Variants in PTPRN2 observed in about 807,000 individuals in gnomAD.
The protein encoded by PTPRN2 is receptor-type tyrosine-protein phosphatase N2.
In PTPRN2, 74 loss-of-function variants were observed where a neutral mutation model predicts 118.8. The ratio of observed to expected loss-of-function variants is 0.62; its 90% CI spans 0.52 to 0.76. The LOEUF (loss-of-function observed/expected upper bound fraction) is 0.76, where lower values mean the gene tolerates loss of function less well. Ranked by LOEUF, PTPRN2 falls within the 30% of genes least tolerant of loss-of-function variation. The pLI, the probability that PTPRN2 is intolerant of heterozygous loss-of-function variation, is 0.00. For missense variants in PTPRN2, 1,481 were observed against 1,394.4 expected (o/e 1.06, Z -0.99); for synonymous variants, 641 against 608.0 (o/e 1.05, Z -0.80).
At chr7:158,046,449 C>T (rs972479860) in intron 11 of PTPRN2, among the ~76,000 whole-genome samples, 2 of 150,348 alleles carry the variant, frequency 1.3e-5, no homozygotes, top group Admixed American at 6.6e-5. Flanking sequence ...CCTGACGCTG[C>T]GATCCTGGCA....
chr7:158,585,062 G>A (rs915283525), intron 1 of PTPRN2, among the ~76,000 whole-genome samples: 5 of 152,166 alleles, frequency 3.3e-5, no homozygotes, highest in Non-Finnish European at 7.3e-5. Context: ...ATTTAAGGCC[G>A]CTCTGTGCAT....
chr7:157,910,891 T>C (rs1317967772), intron 11 of PTPRN2, among the ~76,000 whole-genome samples: 2 of 152,250 alleles, frequency 1.3e-5, no homozygotes, highest in Non-Finnish European at 2.9e-5. Context: ...GTTTGGATGT[T>C]TAATTTTGCT....
At chr7:157,710,745 G>A (rs1010082079) in intron 12 of PTPRN2, among the ~76,000 whole-genome samples, 28 of 147,084 alleles carry the variant, frequency 1.9e-4, no homozygotes, top group Non-Finnish European at 9.1e-5. Flanking sequence ...CCTTGCGCCT[G>A]GCCCTCAGCC....
chr7:158,160,912 A>G (rs2335849), intron 6 of PTPRN2, among the ~76,000 whole-genome samples: 150,571 of 152,382 alleles, frequency 0.99, 74,396 homozygotes, highest in Middle Eastern at 1. Context: ...GATTTTATAT[A>G]TTTTGCAAAT....
chr7:157,854,038 C>G (rs922879548), intron 12 of PTPRN2, among the ~76,000 whole-genome samples: 3 of 152,216 alleles, frequency 2.0e-5, no homozygotes, highest in African/African-American at 7.2e-5. Flanking sequence ...CAGCCCTGCC[C>G]ACACATTGAC....
At chr7:157,883,144 C>A (rs1584945748) in intron 12 of PTPRN2, among the ~76,000 whole-genome samples, 1 of 150,740 alleles carries the variant, frequency 6.6e-6, no homozygotes, top group East Asian at 2.0e-4. Context: ...TGTCAGGGAT[C>A]AGAACACACC....
rs574287660 is a variant in PTPRN2, at chr7:158,513,850, A to G, written c.113-24065T>C. Among the ~76,000 whole-genome samples the G allele has an allele frequency of 3.3e-5, 5 of 152,248 alleles. No individual in the cohort carries two copies. The South Asian group carries it at 1.0e-3, about 32-fold the overall frequency. On this transcript the variant is annotated intron_variant, in intron 1 of 22. Transcript: ENST00000389418. ...CCTTTTCTGCTTATCTGTGTTTCAC[A>G]TTTTCTTCAAGGAACATGTTAACAT...
At chr7:158,437,499 C>CT (rs1271977670) in intron 2 of PTPRN2, among the ~76,000 whole-genome samples, 2 of 152,190 alleles carry the variant, frequency 1.3e-5, no homozygotes, top group East Asian at 3.9e-4. Flanking sequence ...CTGGGTGAGT[C>CT]TATCTTCTTA....
rs115046667 is a variant in PTPRN2 at position 158,405,767 on chromosome 7, G to A, written c.163+83968C>T. Among the ~76,000 whole-genome samples, 31 of 147,880 alleles carry A rather than the reference G, an allele frequency of 2.1e-4. No individual in the cohort carries two copies. In the South Asian group the frequency reaches 4.0e-3, roughly 19 times the overall value. Reference sequence around the variant, plus strand: ...AGCAAAGTGAAATGCTGCATACCACGACCACAAGTGGCTTATCCATGCATG... The same window carrying A: ...AGCAAAGTGAAATGCTGCATACCACAACCACAAGTGGCTTATCCATGCATG... On this transcript the variant is annotated intron_variant, in intron 2 of 22. Transcript: ENST00000389418.
At chr7:158,310,657 G>A (rs370333262) in intron 3 of PTPRN2, among the ~76,000 whole-genome samples, 6 of 151,834 alleles carry the variant, frequency 4.0e-5, no homozygotes, top group African/African-American at 7.3e-5. Context: ...CAAATCCCAC[G>A]GAGGGCGAGC....
intron 2 of PTPRN2, among the ~76,000 whole-genome samples, chr7:158,336,282 G>C (rs202027804): frequency 0.37 from 26,133 of 71,572 alleles, 6,382 homozygotes; most frequent in South Asian, 0.52. Flanking sequence ...CATAAGAGCT[G>C]ACGCCCGCAG....
intron 1 of PTPRN2, among the ~76,000 whole-genome samples, chr7:158,512,150 G>C (rs942432430): frequency 2.0e-5 from 3 of 152,186 alleles, no homozygotes; most frequent in Non-Finnish European, 4.4e-5. Flanking sequence ...GACACCAACG[G>C]GGCAGGAGAA....
chr7:157,721,076 G>A (rs1271303537), intron 12 of PTPRN2, among the ~76,000 whole-genome samples: 1 of 152,220 alleles, frequency 6.6e-6, no homozygotes, highest in Admixed American at 6.5e-5. Flanking sequence ...GCCGTGGTGT[G>A]TGTGCTCTGG....
In PTPRN2 at chr7:157,595,930, G is replaced by A. The variant is rs528041533; in HGVS notation, c.2419-615C>T. Among the ~76,000 whole-genome samples, 11 of 152,354 alleles carry A rather than the reference G, an allele frequency of 7.2e-5. No individual in the cohort carries two copies. The South Asian group carries it at 1.2e-3, about 17-fold the overall frequency. On this transcript the variant is annotated intron_variant, in intron 16 of 22. Coordinates refer to ENST00000389418, the MANE Select transcript of PTPRN2 (RefSeq NM_002847.5). ...AAGACCAGTAGCCCAAGGAGGGCAG[G>A]CAGCCGTTGTTAGCCCACTCAGCAG... is the stretch of plus-strand genomic sequence containing the variant.
rs771607836 is a variant in PTPRN2, at chr7:157,604,057, A to G, written c.2363T>C (p.Leu788Pro). Reference protein sequence around the residue: ...AVLTYDHSRVLLKAENSHSHS... With the variant: ...AVLTYDHSRVPLKAENSHSHS... The stretch of plus-strand genomic sequence containing the variant: ...GCTGTGGCTGTTCTCCGCCTTCAGC[A>G]GGACCCGGGAGTGGTCATCTGCAAG... The change falls in exon 16 of 23, where the codon CTG becomes CCG. Residue 788 changes from leucine (L) to proline (P), a missense_variant. By Grantham distance (98) the Leu-to-Pro change is moderately conservative. Around this residue, in one of 3 missense-constraint regions of PTPRN2, gnomAD observed 362 missense variants for 384.1 expected, o/e 0.94. Coordinates refer to ENST00000389418, the MANE Select transcript of PTPRN2 (RefSeq NM_002847.5). The G allele has an allele frequency of 1.2e-6, 2 of 1,613,798 alleles. No homozygotes were observed. Among genetic ancestry groups the G allele is most frequent in the South Asian group, 1.1e-5 (1 of 91,074 alleles).
chr7:157,613,766 T>G (rs1196911054), intron 15 of PTPRN2, among the ~76,000 whole-genome samples: 1 of 152,152 alleles, frequency 6.6e-6, no homozygotes, highest in Non-Finnish European at 1.5e-5. Context: ...CGCGGCAGCC[T>G]GAACTGCCGT....
At chr7:158,141,488 G>C (rs565066812) in intron 6 of PTPRN2, among the ~76,000 whole-genome samples, 245 of 152,328 alleles carry the variant, frequency 1.6e-3, no homozygotes, top group Admixed American at 3.8e-3. Flanking sequence ...GCCTAGACTC[G>C]CATGACTTTC....
At chr7:158,539,680 T>C in intron 1 of PTPRN2, 1 of 245,524 alleles carries the variant, frequency 4.1e-6, no homozygotes, top group South Asian at 3.9e-5. Context: ...GAGTCCCGGG[T>C]CCTGAGGGAC....
In PTPRN2 at chr7:157,837,184, C is replaced by T. The variant is rs146050331; in HGVS notation, c.1788+61489G>A. On this transcript the variant is annotated intron_variant, in intron 12 of 22. Transcript: ENST00000389418. ...GTGTCCCTCCATCCACCCACCCATC[C>T]ACCCACCCATCCACTCACTACCACC... 3.4e-3 allele frequency among the ~76,000 whole-genome samples: 498 copies of T among 145,094 alleles called. 2 individuals are homozygous for T. The highest frequency in any genetic ancestry group is 0.012 in the African/African-American group (466 of 38,006).
Sources: gnomAD v4.1 joint callset for allele counts (sites outside exome capture counted in the v4.1 genomes callset) on GRCh38, gnomAD v4.1.1 for gene constraint, gnomAD v4.1.1 regional missense constraint, MANE v1.5 for transcripts, NCBI Gene and HGNC (gene_info 2026-07-23, HGNC 2026-07-21) for gene names.